SASH1: variants seen among roughly 807,000 people sequenced by gnomAD.
SASH1 encodes the protein SAM and SH3 domain containing 1, also known as SAM and SH3 domain-containing protein 1.
A neutral mutation model predicts 125.2 loss-of-function variants in SASH1; 44 were observed. The ratio of observed to expected loss-of-function variants is 0.35; its 90% CI spans 0.28 to 0.45. The LOEUF (loss-of-function observed/expected upper bound fraction) is 0.45. Among genes scored for constraint, SASH1 ranks in the 20% least tolerant of loss-of-function variants. The pLI, the probability that SASH1 is intolerant of heterozygous loss-of-function variation, is 1.00. For synonymous variants in SASH1, 639 were observed against 649.1 expected (o/e 0.98, Z 0.24); for missense variants, 1,426 against 1,614.5 (o/e 0.88, Z 2.00).
chr6:148,544,243 C>G lies in SASH1; in HGVS notation c.2773C>G (p.Pro925Ala), dbSNP rs551667335. 5.0e-6 allele frequency: 8 copies of G among 1,614,062 alleles called. No individual in the cohort carries two copies. The highest frequency in any genetic ancestry group is 1.6e-4 in the Middle Eastern group (1 of 6,084). ...IAASGRGLSP[P>A]QCLPRNYDAQ... ...AGCCTCTGGTCGCGGCCTGTCACCC[C>G]CTCAGTGTTTGCCCAGAAACTATGA... is the stretch of plus-strand genomic sequence containing the variant. The change falls in exon 18 of 20, where the codon CCT (proline) becomes GCT (alanine). Residue 925 changes from proline to alanine, a missense_variant. By Grantham distance (27) the Pro-to-Ala change is conservative. Coordinates refer to ENST00000367467, the MANE Select transcript of SASH1 (RefSeq NM_015278.5). The surrounding 1 kb of genome is among the most constrained non-coding windows in gnomAD (Gnocchi z 6.4).
At chr6:148,398,815 C>A (rs997244759) in intron 2 of SASH1, among the ~76,000 whole-genome samples, 1 of 152,194 alleles carries the variant, frequency 6.6e-6, no homozygotes, top group Non-Finnish European at 1.5e-5. Flanking sequence ...GATTCACACA[C>A]TTGATGTCAA....
At chr6:148,408,462 C>T (rs1784469887) in intron 2 of SASH1, among the ~76,000 whole-genome samples, 2 of 152,192 alleles carry the variant, frequency 1.3e-5, no homozygotes, top group Admixed American at 1.3e-4. Flanking sequence ...AATGTCTACA[C>T]AAGTCTTTCC....
intron 1 of SASH1, among the ~76,000 whole-genome samples, chr6:148,381,824 G>T (rs552171954): frequency 6.6e-6 from 1 of 151,532 alleles, no homozygotes; most frequent in African/African-American, 2.4e-5. Flanking sequence ...TAGAGATGAG[G>T]TTTCACCATT....
At chr6:148,543,519 C>A (rs765618590) in intron 17 of SASH1, among the ~76,000 whole-genome samples, 161 bp from the exon 18 acceptor site, 1 of 152,140 alleles carries the variant, frequency 6.6e-6, no homozygotes, top group Non-Finnish European at 1.5e-5. Context: ...CATAATAACC[C>A]TCTATCACCC....
chr6:148,436,813 C>T (rs1209609103), intron 2 of SASH1, among the ~76,000 whole-genome samples: 1 of 152,216 alleles, frequency 6.6e-6, no homozygotes, highest in Non-Finnish European at 1.5e-5. Context: ...AACCTGTGAA[C>T]ATCATAAGGT....
chr6:148,240,730 A>G, the SASH1 span, among the ~76,000 whole-genome samples: 1 of 152,192 alleles, frequency 6.6e-6, no homozygotes, highest in African/African-American at 2.4e-5. Flanking sequence ...AGGCTTTTCA[A>G]CATGATAAAG....
rs1780317611 is a variant in SASH1 at position 148,514,374 on chromosome 6, G to A, written c.780G>A (p.Arg260=). ...DETEESVKFK[R]LHKLVNSTRR... ...CTGAGGAGTCGGTGAAGTTTAAGAG[G>A]TTACACAAGCTGGTAAACTCCACTC... The change falls in exon 9 of 20, where the codon AGG becomes AGA. Residue 260 remains arginine, a synonymous_variant. Coordinates refer to ENST00000367467, the MANE Select transcript of SASH1 (RefSeq NM_015278.5). 1.3e-6 allele frequency: 2 copies of A among 1,580,806 alleles called. No homozygotes were observed. Among genetic ancestry groups the A allele is most frequent in the East Asian group, 4.6e-5 (2 of 43,114 alleles).
the SASH1 span, among the ~76,000 whole-genome samples, chr6:148,194,556 G>A: frequency 6.6e-6 from 1 of 152,294 alleles, no homozygotes; most frequent in South Asian, 2.1e-4. Context: ...ATGACACTAA[G>A]TTTATTCTGT....
At chr6:148,201,697 C>T in the SASH1 span, among the ~76,000 whole-genome samples, 9 of 152,108 alleles carry the variant, frequency 5.9e-5, no homozygotes, top group Non-Finnish European at 2.9e-5. Context: ...TGGGGCCTGT[C>T]GAAGACCTGG....
intron 2 of SASH1, among the ~76,000 whole-genome samples, chr6:148,406,760 G>C (rs535827958): frequency 2.8e-4 from 43 of 152,234 alleles, no homozygotes; most frequent in Non-Finnish European, 5.0e-4. Flanking sequence ...GGGAGGAGCA[G>C]AGAGAATCAG....
intron 1 of SASH1, among the ~76,000 whole-genome samples, chr6:148,362,111 T>C (rs1249890009): frequency 6.6e-6 from 1 of 151,648 alleles, no homozygotes; most frequent in African/African-American, 2.4e-5. Flanking sequence ...GTATTTTTAG[T>C]AGAGACGGGG....
intron 8 of SASH1, among the ~76,000 whole-genome samples, chr6:148,487,921 T>C (rs941413258): frequency 6.6e-6 from 1 of 151,270 alleles, no homozygotes; most frequent in Non-Finnish European, 1.5e-5. Flanking sequence ...GGGTTTTGTT[T>C]TTTTTTTTTT....
At chr6:148,535,097 T>G (rs1051432760) in intron 16 of SASH1, among the ~76,000 whole-genome samples, 196 bp downstream of exon 16, 4 of 152,212 alleles carry the variant, frequency 2.6e-5, no homozygotes, top group African/African-American at 9.7e-5. Flanking sequence ...CCACCTACGC[T>G]GCCAGTATGT....
chr6:148,217,360 G>A, the SASH1 span, among the ~76,000 whole-genome samples: 1 of 152,214 alleles, frequency 6.6e-6, no homozygotes, highest in African/African-American at 2.4e-5. Flanking sequence ...ATTGCTTACT[G>A]TTTGGCATGT....
At chr6:148,296,710 C>T (rs900126263) in intron 1 of SASH1, among the ~76,000 whole-genome samples, 1 of 152,148 alleles carries the variant, frequency 6.6e-6, no homozygotes, top group African/African-American at 2.4e-5. Flanking sequence ...GAGTGTTACA[C>T]GTATGTGGGC....
upstream of SASH1, among the ~76,000 whole-genome samples, chr6:148,341,325 T>TG (rs1434213467): frequency 1.4e-5 from 2 of 147,054 alleles, no homozygotes; most frequent in Non-Finnish European, 3.0e-5. Context: ...TTGTTTTTTT[T>TG]TTTTGTTTTT....
rs1776473428 is a variant in SASH1 at position 148,439,927 on chromosome 6, G to A, written c.286-257G>A. Reference sequence around the variant, plus strand: ...TGTCAGTCCCCTTGACTGAAATTGTGCTTTTTTTCTTCTGAAATAAAATTG... The same window carrying A: ...TGTCAGTCCCCTTGACTGAAATTGTACTTTTTTTCTTCTGAAATAAAATTG... On this transcript the variant is annotated intron_variant, in intron 2 of 19. Transcript: ENST00000367467. Among the ~76,000 whole-genome samples the A allele has an allele frequency of 2.6e-5, 4 of 152,092 alleles. No individual in the cohort carries two copies. The South Asian group carries it at 6.2e-4, about 24-fold the overall frequency.
In SASH1 at chr6:148,403,753, AACT is replaced by A. The variant is rs561753682; in HGVS notation, c.285+13492_285+13494del. The stretch of plus-strand genomic sequence containing the variant: ...TGCTATGTTGGCCAGGCTGGTCTTG[AACT>A]CCTGACCACAGGTGATCCACCCACC... On this transcript the variant is annotated intron_variant, in intron 2 of 19. Transcript: ENST00000367467. Among the ~76,000 whole-genome samples the A allele has an allele frequency of 2.0e-5, 3 of 151,944 alleles. No individual in the cohort carries two copies. The South Asian group carries it at 6.2e-4, about 32-fold the overall frequency.
intron 1 of SASH1, among the ~76,000 whole-genome samples, chr6:148,319,569 T>G (rs1780585158): frequency 6.6e-6 from 1 of 152,094 alleles, no homozygotes; most frequent in Non-Finnish European, 1.5e-5. Context: ...CAGGCTGGAG[T>G]GCAATGGCAT....
Sources: gnomAD v4.1 joint callset for allele counts (sites outside exome capture counted in the v4.1 genomes callset) on GRCh38, gnomAD v4.1.1 for gene constraint, Gnocchi (gnomAD v3.1) non-coding constraint, MANE v1.5 for transcripts, NCBI Gene and HGNC (gene_info 2026-07-23, HGNC 2026-07-21) for gene names.